Variants in RIMBP2 observed in about 807,000 individuals in gnomAD.
RIMBP2 encodes RIMS binding protein 2.
Under a neutral mutation model 118.6 loss-of-function variants are expected in RIMBP2, and 48 were observed. That is an observed-to-expected ratio of 0.40 (90% CI 0.32 to 0.51). RIMBP2 has a LOEUF of 0.51. Ranked by LOEUF, RIMBP2 falls within the 20% of genes least tolerant of loss-of-function variation. The pLI, the probability that RIMBP2 is intolerant of heterozygous loss-of-function variation, is 0.41. For missense variants in RIMBP2, 1,551 were observed against 1,768.3 expected, an observed-to-expected ratio of 0.88 and a Z score of 2.20; for synonymous variants, 762 against 742.9, an observed-to-expected ratio of 1.03 and a Z score of -0.42.
intron 3 of RIMBP2, among the ~76,000 whole-genome samples, chr12:130,512,248 C>T (rs1482452718): frequency 6.6e-6 from 1 of 152,288 alleles, no homozygotes; most frequent in East Asian, 1.9e-4. Context: ...TTGACAAATG[C>T]CCTGGCCTCT....
chr12:130,407,739 T>A lies in RIMBP2; in HGVS notation c.3680A>T (p.Asn1227Ile). The A allele has an allele frequency of 6.2e-7, 1 of 1,613,914 alleles. No homozygotes were observed. Among genetic ancestry groups the A allele is most frequent in the Non-Finnish European group, 8.5e-7 (1 of 1,179,810 alleles). Residue 1227 changes from asparagine (N) to isoleucine (I), a missense_variant, in exon 20 of 23, where the codon AAC (asparagine) becomes ATC (isoleucine). Asn to Ile is a moderately radical substitution (Grantham distance 149, BLOSUM62 -3). Around this residue, in one of 5 missense-constraint regions of RIMBP2, gnomAD observed 1,038 missense variants for 1,125.1 expected, o/e 0.92. Transcript: ENST00000690449. ...TTTGGCTGGTACCTCGACATCGACG[T>A]TGGGCGAGCTTTCTCTGGGGTCGTA... ...YDYDPRESSPNVDVEAELTFC... is the reference protein window; with the variant it reads ...YDYDPRESSPIVDVEAELTFC...
At chr12:130,514,141 C>T (rs1462677580) in intron 3 of RIMBP2, among the ~76,000 whole-genome samples, 1 of 152,250 alleles carries the variant, frequency 6.6e-6, no homozygotes, top group Admixed American at 6.5e-5. Context: ...CTCCGCAAAG[C>T]AGGCTGCAGG....
intron 1 of RIMBP2, chr12:130,658,051 C>G (rs538025346): frequency 6.6e-6 from 1 of 152,458 alleles, no homozygotes; most frequent in South Asian, 2.1e-4. Context: ...TGGGTTGTTC[C>G]CCCATCCTCT....
chr12:130,448,856 G>A (rs1485566900), intron 9 of RIMBP2, among the ~76,000 whole-genome samples: 1 of 152,254 alleles, frequency 6.6e-6, no homozygotes, highest in Non-Finnish European at 1.5e-5. Flanking sequence ...GTTTGCTTTG[G>A]TGGAACTGGT....
chr12:130,667,001 AGGAG>A lies in RIMBP2; in HGVS notation c.-351-38549_-351-38546del, dbSNP rs201546765. Among the ~76,000 whole-genome samples, 641 of 92,420 alleles carry A rather than the reference AGGAG, an allele frequency of 6.9e-3. 7 individuals are homozygous for A. The highest frequency in any genetic ancestry group is 0.023 in the African/African-American group (517 of 22,360). The allele number at this position is 92,420 out of a possible 152,430, so 60.6% of individuals were successfully genotyped here. On this transcript the variant is annotated intron_variant, in intron 1 of 22. Coordinates refer to ENST00000690449, the MANE Select transcript of RIMBP2 (RefSeq NM_001393629.1). The stretch of plus-strand genomic sequence containing the variant: ...AGGGAGGGACAGAGGGAGGAAGGGA[AGGAG>A]GGAGGGAGGGAGGGAGAGAAAGAAG...
In RIMBP2 at chr12:130,550,103, T is replaced by C. The variant is rs575897843; in HGVS notation, c.-216-32186A>G. 1.1e-4 allele frequency among the ~76,000 whole-genome samples: 16 copies of C among 152,340 alleles called. No homozygotes were observed. The South Asian group carries it at 3.3e-3, about 32-fold the overall frequency. On this transcript the variant is annotated intron_variant, in intron 2 of 22. Transcript: ENST00000690449. ...GTACACGCTGTTGATGTAATTCAAG[T>C]ACTTCTGAAAACAAAGGGTAGTTAT...
chr12:130,573,294 G>A (rs539300422), intron 2 of RIMBP2, among the ~76,000 whole-genome samples: 87 of 152,020 alleles, frequency 5.7e-4, no homozygotes, highest in Non-Finnish European at 1.2e-3. Context: ...GACGATGATT[G>A]CAAAAATAAC....
At chr12:130,680,068 C>A (rs2064703840) in intron 1 of RIMBP2, among the ~76,000 whole-genome samples, 1 of 152,236 alleles carries the variant, frequency 6.6e-6, no homozygotes, top group Non-Finnish European at 1.5e-5. Flanking sequence ...GCAGTGTGTT[C>A]ACCCACCGTG....
intron 4 of RIMBP2, among the ~76,000 whole-genome samples, chr12:130,489,213 G>A (rs919844269): frequency 5.3e-5 from 8 of 152,178 alleles, no homozygotes; most frequent in African/African-American, 1.9e-4. Flanking sequence ...ACGGTGGCTT[G>A]TCTACTTTTA....
chr12:130,530,827 A>C (rs554191263), intron 2 of RIMBP2, among the ~76,000 whole-genome samples: 37 of 152,268 alleles, frequency 2.4e-4, no homozygotes, highest in African/African-American at 8.4e-4. Flanking sequence ...TTTCTTCACC[A>C]CACTTCAAAT....
chr12:130,705,822 G>GC (rs1302910165), intron 1 of RIMBP2, among the ~76,000 whole-genome samples: 7 of 152,350 alleles, frequency 4.6e-5, no homozygotes, highest in Non-Finnish European at 1.0e-4. Flanking sequence ...ACCAACGGAG[G>GC]CAGAAGCCGT....
intron 1 of RIMBP2, among the ~76,000 whole-genome samples, chr12:130,693,180 G>C (rs1468309618): frequency 1.3e-5 from 2 of 152,098 alleles, no homozygotes. Flanking sequence ...TCCCCACCGT[G>C]TCCATGAGGT....
rs538995850 is a variant in RIMBP2, at chr12:130,493,141, A to G, written c.-4+13507T>C. 4.6e-5 allele frequency among the ~76,000 whole-genome samples: 7 copies of G among 151,812 alleles called. No individual in the cohort carries two copies. In the South Asian group the frequency reaches 1.5e-3, roughly 32 times the overall value. On this transcript the variant is annotated intron_variant, in intron 4 of 22. Transcript: ENST00000690449. ...AGAGAGTGAGATCGTAGCTCAAAAA[A>G]CCAAAACAAAACAAAAAAACAAAGT...
intron 4 of RIMBP2, among the ~76,000 whole-genome samples, chr12:130,499,528 C>T (rs2049528508): frequency 6.6e-6 from 1 of 152,168 alleles, no homozygotes; most frequent in Non-Finnish European, 1.5e-5. Flanking sequence ...TGATCTGCTC[C>T]AAGTCATCTC....
intron 5 of RIMBP2, among the ~76,000 whole-genome samples, chr12:130,473,713 G>T (rs1216367667): frequency 1.3e-5 from 2 of 152,110 alleles, no homozygotes; most frequent in Non-Finnish European, 2.9e-5. Context: ...AGGGCTGATG[G>T]ACATTTTCTA....
chr12:130,428,156 G>T, intron 15 of RIMBP2, 23 bp downstream of exon 15: 5 of 1,566,056 alleles, frequency 3.2e-6, no homozygotes, highest in Non-Finnish European at 4.3e-6. Flanking sequence ...GGAGTGCAGG[G>T]TCCCCCTTCC....
At chr12:130,638,764 T>TCA (rs1555316200) in intron 1 of RIMBP2, among the ~76,000 whole-genome samples, 1 of 145,200 alleles carries the variant, frequency 6.9e-6, no homozygotes, top group African/African-American at 2.5e-5. Context: ...TGGAGATCGT[T>TCA]AAAAAAAAAA....
rs74753494 is a variant in RIMBP2, at chr12:130,468,028, G to A, written c.153+2665C>T. Among the ~76,000 whole-genome samples the A allele has an allele frequency of 4.9e-3, 753 of 152,312 alleles. 1 individual carries two copies. Among genetic ancestry groups the A allele is most frequent in the Non-Finnish European group, 7.7e-3 (524 of 68,034 alleles). On this transcript the variant is annotated intron_variant, in intron 6 of 22. Transcript: ENST00000690449. ...ATGGAAGCAGGCTGCCCAGTGGAAT[G>A]TTCTGTCTACAGAAAGTCACGAATA...
At chr12:130,524,328 T>A (rs1307190235) in intron 2 of RIMBP2, among the ~76,000 whole-genome samples, 2 of 149,712 alleles carry the variant, frequency 1.3e-5, no homozygotes, top group Non-Finnish European at 3.0e-5. Context: ...CAGGCCAGAT[T>A]CCCAGTGGCC....
Sources: allele counts gnomAD v4.1 joint callset (sites outside exome capture counted in the v4.1 genomes callset), GRCh38; gene constraint gnomAD v4.1.1; regional missense constraint gnomAD v4.1.1; transcripts MANE v1.5; gene names NCBI Gene and HGNC (gene_info 2026-07-23, HGNC 2026-07-21).